UGGT1: variants seen among roughly 807,000 people sequenced by gnomAD.
The protein encoded by UGGT1 is UDP-glucose:glycoprotein glucosyltransferase 1.
Under a neutral mutation model 203.9 loss-of-function variants are expected in UGGT1, and 107 were observed. That is an observed-to-expected ratio of 0.52 (90% confidence interval 0.45 to 0.62). The LOEUF is 0.62. Ranked by LOEUF, UGGT1 falls within the 20% of genes least tolerant of loss-of-function variation. The pLI, the probability that UGGT1 is intolerant of heterozygous loss-of-function variation, is 0.00. For missense variants in UGGT1, 1,673 were observed against 1,867.2 expected, an observed-to-expected ratio of 0.90 and a Z score of 1.92; for synonymous variants, 628 against 653.5, an observed-to-expected ratio of 0.96 and a Z score of 0.59.
intron 5 of UGGT1, among the ~76,000 whole-genome samples, chr2:128,110,495 C>A (rs753733978): frequency 6.6e-6 from 1 of 152,142 alleles, no homozygotes; most frequent in African/African-American, 2.4e-5. Flanking sequence ...CAGCCATCTC[C>A]GGGTCAAGGC....
intron 27 of UGGT1, among the ~76,000 whole-genome samples, chr2:128,170,951 G>C (rs1479942646): frequency 6.6e-6 from 1 of 152,168 alleles, no homozygotes; most frequent in African/African-American, 2.4e-5. Flanking sequence ...TCTGCCTGCT[G>C]CTTCCCCACA....
At chr2:128,189,666 T>C in intron 40 of UGGT1, 51 bp from the exon 41 acceptor site, 1 of 1,589,052 alleles carries the variant, frequency 6.3e-7, no homozygotes, top group African/African-American at 1.3e-5. Context: ...CAGTGGTGTT[T>C]GTAATTTGAA....
chr2:128,127,463 T>C lies in UGGT1; in HGVS notation c.1226+11T>C. On this transcript the variant is annotated intron_variant, in intron 12 of 40. Coordinates refer to ENST00000259253, the MANE Select transcript of UGGT1 (RefSeq NM_020120.4). Reference sequence around the variant, plus strand: ...ACAGGATATATTCAGGTATGGATAATATTTTTCATTCTCTGAAAAGTTTTT... The same window carrying C: ...ACAGGATATATTCAGGTATGGATAACATTTTTCATTCTCTGAAAAGTTTTT... 1 of 1,591,646 alleles carries C rather than the reference T, an allele frequency of 6.3e-7. No individual in the cohort carries two copies. The highest frequency in any genetic ancestry group is 8.6e-7 in the Non-Finnish European group (1 of 1,163,596).
intron 13 of UGGT1, among the ~76,000 whole-genome samples, chr2:128,129,397 A>ATT (rs70988610): frequency 1.5e-5 from 2 of 132,204 alleles, no homozygotes; most frequent in Non-Finnish European, 1.6e-5. Context: ...TAAGACAGTG[A>ATT]TTTTTTTTTT....
chr2:128,116,353 T>A lies in UGGT1; in HGVS notation c.872+10T>A. The A allele has an allele frequency of 6.3e-7, 1 of 1,576,546 alleles. No homozygotes were observed. The stretch of plus-strand genomic sequence containing the variant: ...TCTTTGGAAAATTAAGGTATGTATG[T>A]TCTGTGTATTTTGGGAAACGCCCTC... On this transcript the variant is annotated intron_variant, in intron 8 of 40. Transcript: ENST00000259253.
intron 39 of UGGT1, 98 bp downstream of exon 39, chr2:128,186,897 TC>T (rs1573639661): frequency 2.2e-5 from 20 of 923,656 alleles, no homozygotes; most frequent in Non-Finnish European, 3.1e-5. Context: ...TTTAAGAATT[TC>T]CTAGATTCTT....
chr2:128,193,247 C>T lies in UGGT1; in HGVS notation c.*3505C>T, dbSNP rs1180138442. On this transcript the variant is annotated 3_prime_UTR_variant, in exon 41 of 41. Transcript: ENST00000259253. ...ATGGAGCTTAATTTGCTCTGCTGTCCTTAAGCCCTCGTGGGTTTTTTTTTA... is the reference window on the plus strand; with the variant it reads ...ATGGAGCTTAATTTGCTCTGCTGTCTTTAAGCCCTCGTGGGTTTTTTTTTA... The T allele has an allele frequency of 2.7e-5, 4 of 148,908 alleles. No homozygotes were observed. The highest frequency in any genetic ancestry group is 6.7e-5 in the Admixed American group (1 of 14,842). 9.2% of individuals were successfully genotyped at this position (148,908 alleles called of 1,614,324 possible).
rs1299448719 is a variant in UGGT1 at position 128,159,393 on chromosome 2, C to T, written c.2356-121C>T. 3.1e-6 allele frequency: 3 copies of T among 957,736 alleles called. No individual in the cohort carries two copies. The African/African-American group carries it at 4.9e-5, about 16-fold the overall frequency. The allele number at this position is 957,736 out of a possible 1,614,324, so 59.3% of individuals were successfully genotyped here. A position where few individuals can be genotyped will look rare whatever the true frequency, so the allele number is the denominator to read the frequency against. The stretch of plus-strand genomic sequence containing the variant: ...GGATTACAGGCATGAGCCACTGCGC[C>T]CGGCCTGAGACTTTTAAGAGAGATA... On this transcript the variant is annotated intron_variant, in intron 22 of 40. Coordinates refer to ENST00000259253, the MANE Select transcript of UGGT1 (RefSeq NM_020120.4).
At chr2:128,167,638 A>G (rs377696204) in intron 26 of UGGT1, among the ~76,000 whole-genome samples, 1 of 152,236 alleles carries the variant, frequency 6.6e-6, no homozygotes, top group Non-Finnish European at 1.5e-5. Flanking sequence ...TCTACGAACC[A>G]TAGGCAAATG....
chr2:128,182,380 G>T, intron 37 of UGGT1, 90 bp downstream of exon 37: 1 of 1,421,316 alleles, frequency 7.0e-7, no homozygotes, highest in South Asian at 1.5e-5. Flanking sequence ...TAATACATTG[G>T]TATGGTTGAA....
At chr2:128,180,418 C>A (rs575415031) in intron 35 of UGGT1, among the ~76,000 whole-genome samples, 1 of 152,280 alleles carries the variant, frequency 6.6e-6, no homozygotes, top group African/African-American at 2.4e-5. Context: ...AAGCACTTTA[C>A]TGCTGGCGCC....
chr2:128,111,133 A>G (rs1446951133), intron 5 of UGGT1, among the ~76,000 whole-genome samples: 1 of 152,224 alleles, frequency 6.6e-6, no homozygotes, highest in Non-Finnish European at 1.5e-5. Context: ...CAGGAGGATC[A>G]CTTGATCCCA....
rs2104849879 is a variant in UGGT1 at position 128,190,001 on chromosome 2, C to CA, written c.*260dup. ...ACTCTGTAAAGAGCATTCTTCTAGT[C>CA]AGAGGGTGGAATGGCAGCAGCAACT... On this transcript the variant is annotated 3_prime_UTR_variant, in exon 41 of 41. Transcript: ENST00000259253. 1 of 382,806 alleles carries CA rather than the reference C, an allele frequency of 2.6e-6. No homozygotes were observed. Among genetic ancestry groups the CA allele is most frequent in the South Asian group, 7.0e-5 (1 of 14,186 alleles). The allele number at this position is 382,806 out of a possible 1,614,324, so 23.7% of individuals were successfully genotyped here. A position where few individuals can be genotyped will look rare whatever the true frequency, so the allele number is the denominator to read the frequency against.
intron 37 of UGGT1, among the ~76,000 whole-genome samples, chr2:128,183,409 C>G (rs2104826725): frequency 6.6e-6 from 1 of 152,362 alleles, no homozygotes; most frequent in East Asian, 1.9e-4. Flanking sequence ...GTTACTGCCG[C>G]ATATGCTAGA....
At chr2:128,093,770 G>A (rs1686978050) in intron 1 of UGGT1, among the ~76,000 whole-genome samples, 1 of 152,164 alleles carries the variant, frequency 6.6e-6, no homozygotes, top group Admixed American at 6.5e-5. Context: ...CTATTTATTA[G>A]TTAGGCAAGG....
intron 10 of UGGT1, 141 bp downstream of exon 10, chr2:128,121,439 C>G (rs1044016239): frequency 1.2e-5 from 7 of 579,334 alleles, no homozygotes; most frequent in African/African-American, 2.1e-5. Context: ...GAGTCTCACT[C>G]TTGTTGCCGA....
intron 4 of UGGT1, among the ~76,000 whole-genome samples, chr2:128,109,408 A>G (rs531276877): frequency 1.1e-4 from 17 of 152,064 alleles, no homozygotes; most frequent in Admixed American, 9.8e-4. Context: ...GGGTCTCACT[A>G]TGCTGCCCAG....
At chr2:128,117,983 TGTGTGTGTGTGAGAGA>T (rs374150237) in intron 8 of UGGT1, among the ~76,000 whole-genome samples, 5 of 76,392 alleles carry the variant, frequency 6.5e-5, no homozygotes, top group Non-Finnish European at 1.1e-4. Context: ...TGTGTCTGTG[TGTGTGTGTGTGAGAGA>T]GAGAGAGAGA....
chr2:128,113,336 CCT>C, intron 6 of UGGT1, 78 bp downstream of exon 6: 1 of 1,160,284 alleles, frequency 8.6e-7, no homozygotes, highest in South Asian at 2.4e-5. Flanking sequence ...TAATAATCTC[CCT>C]CTTTATAAAA....
Sources: allele counts gnomAD v4.1 joint callset (sites outside exome capture counted in the v4.1 genomes callset), GRCh38; gene constraint gnomAD v4.1.1; transcripts MANE v1.5; gene names NCBI Gene and HGNC (gene_info 2026-07-23, HGNC 2026-07-21).